Variants in CALCR observed in about 807,000 individuals in gnomAD.
The protein encoded by CALCR is calcitonin receptor.
Under a neutral mutation model 59.5 loss-of-function variants are expected in CALCR, and 47 were observed. The ratio of observed to expected loss-of-function variants is 0.79; its 90% CI spans 0.63 to 1.01. The LOEUF (loss-of-function observed/expected upper bound fraction) is 1.01, where lower values mean the gene tolerates loss of function less well. Among genes scored for constraint, CALCR ranks in the 50% least tolerant of loss-of-function variants. The pLI is 0.00. For missense variants in CALCR, 566 were observed against 597.1 expected (o/e 0.95, Z 0.54); for synonymous variants, 213 against 211.3 (o/e 1.01, Z -0.07).
chr7:93,498,043 G>A (rs1006407313), intron 2 of CALCR, among the ~76,000 whole-genome samples: 6 of 151,560 alleles, frequency 4.0e-5, no homozygotes, highest in African/African-American at 1.5e-4. Context: ...TACTGGTCAC[G>A]TTTTTGTCAG....
chr7:93,461,756 A>T (rs1018817058), intron 7 of CALCR, among the ~76,000 whole-genome samples: 1 of 152,174 alleles, frequency 6.6e-6, no homozygotes, highest in Non-Finnish European at 1.5e-5. Context: ...GTGAATGTTC[A>T]CATAAATAAA....
intron 2 of CALCR, among the ~76,000 whole-genome samples, chr7:93,550,293 C>T (rs1280386435): frequency 1.3e-5 from 2 of 151,720 alleles, no homozygotes; most frequent in African/African-American, 4.8e-5. Context: ...AGTTCGAGAG[C>T]AGCCTGGCCA....
intron 2 of CALCR, among the ~76,000 whole-genome samples, chr7:93,551,190 G>T (rs756086266): frequency 6.6e-5 from 10 of 152,108 alleles, no homozygotes; most frequent in Non-Finnish European, 1.0e-4. Flanking sequence ...TTTCAAACAA[G>T]TTGAAGAAAA....
intron 2 of CALCR, among the ~76,000 whole-genome samples, chr7:93,511,511 T>G (rs1307658317): frequency 6.6e-6 from 1 of 152,134 alleles, no homozygotes; most frequent in African/African-American, 2.4e-5. Context: ...ATCAACAATT[T>G]ATTGAACATA....
At chr7:93,531,319 C>T (rs73711696) in intron 2 of CALCR, among the ~76,000 whole-genome samples, 2,644 of 152,054 alleles carry the variant, frequency 0.017, 78 homozygotes, top group African/African-American at 0.06. Flanking sequence ...ATTATTGAGT[C>T]GGAACCTGGG....
chr7:93,530,346 C>T (rs574216490), intron 2 of CALCR, among the ~76,000 whole-genome samples: 30 of 152,172 alleles, frequency 2.0e-4, no homozygotes, highest in Admixed American at 3.9e-4. Flanking sequence ...AGCAGGCGGA[C>T]CAGTTTTTGT....
At chr7:93,457,979 C>T (rs983687981) in intron 8 of CALCR, among the ~76,000 whole-genome samples, 2 of 152,084 alleles carry the variant, frequency 1.3e-5, no homozygotes, top group East Asian at 1.9e-4. Flanking sequence ...CACCGAGCCT[C>T]GGTTTCCCCA....
chr7:93,482,014 G>A (rs1800808576), intron 3 of CALCR, among the ~76,000 whole-genome samples: 1 of 151,816 alleles, frequency 6.6e-6, no homozygotes, highest in Admixed American at 6.6e-5. Flanking sequence ...AGTCTGGCAA[G>A]ATGGACCAAC....
At chr7:93,474,762 A>G (rs765885756) in intron 5 of CALCR, among the ~76,000 whole-genome samples, 4 of 151,898 alleles carry the variant, frequency 2.6e-5, no homozygotes, top group African/African-American at 9.6e-5. Context: ...TGGAATCTTC[A>G]CAAAATTTTA....
intron 7 of CALCR, among the ~76,000 whole-genome samples, chr7:93,461,512 T>C (rs1255200286): frequency 6.6e-6 from 1 of 152,154 alleles, no homozygotes; most frequent in East Asian, 1.9e-4. Flanking sequence ...GAATCATCAC[T>C]GTAGTTCCTC....
chr7:93,573,571 G>A (rs1262176905), intron 2 of CALCR, among the ~76,000 whole-genome samples: 1 of 152,166 alleles, frequency 6.6e-6, no homozygotes, highest in Non-Finnish European at 1.5e-5. Context: ...GCCAAATAAA[G>A]TCTGTATGAT....
At chr7:93,550,509 A>AG (rs1311567485) in intron 2 of CALCR, among the ~76,000 whole-genome samples, 2 of 150,142 alleles carry the variant, frequency 1.3e-5, no homozygotes, top group African/African-American at 4.9e-5. Context: ...AAAAAAAAAA[A>AG]AAAAAGTCTT....
At chr7:93,435,347 T>C (rs1799748947) in intron 12 of CALCR, among the ~76,000 whole-genome samples, 1 of 152,132 alleles carries the variant, frequency 6.6e-6, no homozygotes, top group Admixed American at 6.5e-5. Flanking sequence ...GATCTGACAA[T>C]TTCTGTATCT....
At chr7:93,450,323 C>T (rs73712891) in intron 8 of CALCR, among the ~76,000 whole-genome samples, 2,919 of 152,004 alleles carry the variant, frequency 0.019, 107 homozygotes, top group African/African-American at 0.067. Context: ...TGTTGGAATG[C>T]TCTATGAAGG....
At chr7:93,428,660 G>A (rs1028439198) in intron 13 of CALCR, among the ~76,000 whole-genome samples, 2 of 151,862 alleles carry the variant, frequency 1.3e-5, no homozygotes, top group East Asian at 1.9e-4. Flanking sequence ...ATTAGCCGGC[G>A]CCTGTAGTCC....
At chr7:93,496,943 A>G (rs1801216433) in intron 2 of CALCR, among the ~76,000 whole-genome samples, 1 of 151,596 alleles carries the variant, frequency 6.6e-6, no homozygotes, top group Non-Finnish European at 1.5e-5. Context: ...CTATTTGAAA[A>G]TCATTCTTCA....
At chr7:93,546,392 C>T (rs142316405) in intron 2 of CALCR, among the ~76,000 whole-genome samples, 83 of 152,150 alleles carry the variant, frequency 5.5e-4, no homozygotes, top group African/African-American at 1.7e-3. Context: ...TTATTATGAT[C>T]CTCATTGAGA....
chr7:93,554,734 A>T (rs1193627442), intron 2 of CALCR, among the ~76,000 whole-genome samples: 1 of 142,634 alleles, frequency 7.0e-6, no homozygotes, highest in African/African-American at 2.8e-5. Flanking sequence ...GAATTCTGAA[A>T]GCAAAGATGA....
rs57128008 is a variant in CALCR, at chr7:93,532,838, C to CAAAAAAAAAA, written c.-27+41441_-27+41450dup. Among the ~76,000 whole-genome samples, 128 of 95,662 alleles carry CAAAAAAAAAA rather than the reference C, an allele frequency of 1.3e-3. 7 individuals carry two copies. The highest frequency in any genetic ancestry group is 3.3e-3 in the African/African-American group (65 of 19,924). 62.8% of individuals were successfully genotyped at this position (95,662 alleles called of 152,430 possible). ...TAGCCTTGATTCCTCATGTCCAAAG[C>CAAAAAAAAAA]AAAAAAAAAAAAAAAAAAAAAAAAA... On this transcript the variant is annotated intron_variant, in intron 2 of 13. Transcript: ENST00000426151.
Sources: gnomAD v4.1 joint callset for allele counts (sites outside exome capture counted in the v4.1 genomes callset) on GRCh38, gnomAD v4.1.1 for gene constraint, MANE v1.5 for transcripts, NCBI Gene and HGNC (gene_info 2026-07-23, HGNC 2026-07-21) for gene names.